AEBP2: variants seen among roughly 807,000 people sequenced by gnomAD.
AEBP2 encodes zinc finger protein AEBP2.
AEBP2 carries 10 observed loss-of-function variants against 50.8 expected under a neutral mutation model. The ratio of observed to expected loss-of-function variants is 0.20; its 90% CI spans 0.12 to 0.33. AEBP2 has a LOEUF of 0.33. AEBP2 is among the 10% of genes least tolerant of loss of function. AEBP2 has a pLI of 1.00. For missense variants in AEBP2, 570 were observed against 688.0 expected, an observed-to-expected ratio of 0.83 and a Z score of 1.92; for synonymous variants, 296 against 261.3, an observed-to-expected ratio of 1.13 and a Z score of -1.28.
At chr12:19,509,663 C>T (rs1208239006) in intron 5 of AEBP2, among the ~76,000 whole-genome samples, 15 of 152,156 alleles carry the variant, frequency 9.9e-5, no homozygotes, top group Admixed American at 9.2e-4. Flanking sequence ...GGGAAGAATA[C>T]TCAAGGCTAG....
At chr12:19,468,089 TA>T (rs1374327203) in intron 2 of AEBP2, among the ~76,000 whole-genome samples, 2 of 149,998 alleles carry the variant, frequency 1.3e-5, no homozygotes, top group East Asian at 3.9e-4. Flanking sequence ...GGCTTGGTGG[TA>T]CCGTGGAATC....
chr12:19,453,911 C>A (rs541160801), intron 1 of AEBP2, among the ~76,000 whole-genome samples: 2 of 152,036 alleles, frequency 1.3e-5, no homozygotes, highest in South Asian at 2.1e-4. Context: ...ATTCTCCCCC[C>A]CTCGGCCTCC....
chr12:19,481,520 G>A (rs1158482368), intron 3 of AEBP2, among the ~76,000 whole-genome samples: 2 of 150,562 alleles, frequency 1.3e-5, no homozygotes, highest in African/African-American at 4.9e-5. Context: ...CACCCAGGCT[G>A]GAGCGCAGTG....
chr12:19,454,591 T>G (rs1177081507), intron 1 of AEBP2, among the ~76,000 whole-genome samples: 1 of 152,176 alleles, frequency 6.6e-6, no homozygotes, highest in African/African-American at 2.4e-5. Flanking sequence ...TAGATTTTAG[T>G]TTTTTTGAAT....
intron 1 of AEBP2, among the ~76,000 whole-genome samples, chr12:19,447,019 G>A (rs752134767): frequency 6.5e-4 from 99 of 152,176 alleles, no homozygotes; most frequent in Non-Finnish European, 1.3e-3. Context: ...ACAGATTTTA[G>A]GCTTGCGTAA....
intron 1 of AEBP2, among the ~76,000 whole-genome samples, chr12:19,446,596 G>T (rs1295600373): frequency 6.6e-6 from 1 of 152,132 alleles, no homozygotes; most frequent in Non-Finnish European, 1.5e-5. Flanking sequence ...GCTGGGCGTG[G>T]TGGCGGGCAC....
intron 4 of AEBP2, among the ~76,000 whole-genome samples, chr12:19,494,615 A>G (rs1948943421): frequency 6.7e-6 from 1 of 149,912 alleles, no homozygotes; most frequent in Admixed American, 6.8e-5. Context: ...TCCCGACCTC[A>G]GGTGATTGCC....
intron 1 of AEBP2, among the ~76,000 whole-genome samples, chr12:19,461,289 G>T (rs1235077460): frequency 6.6e-6 from 1 of 152,014 alleles, no homozygotes; most frequent in Non-Finnish European, 1.5e-5. Context: ...TTTATTTATT[G>T]AGAAGATTTT....
intron 1 of AEBP2, among the ~76,000 whole-genome samples, chr12:19,419,364 C>T (rs569919840): frequency 3.9e-5 from 6 of 152,168 alleles, no homozygotes; most frequent in Middle Eastern, 3.4e-3. Flanking sequence ...CCCAAGCTGG[C>T]GGATCACGAG....
intron 4 of AEBP2, 129 bp downstream of exon 4, chr12:19,494,115 T>G: frequency 9.9e-7 from 1 of 1,011,886 alleles, no homozygotes; most frequent in Non-Finnish European, 1.4e-6. Context: ...GATGCCTGTC[T>G]GTCAGTGAGA....
chr12:19,463,998 A>G (rs1487877983), intron 2 of AEBP2, among the ~76,000 whole-genome samples: 1 of 152,182 alleles, frequency 6.6e-6, no homozygotes, highest in Non-Finnish European at 1.5e-5. Context: ...CATCCCTGTC[A>G]CAATATATTA....
Position 19,518,509 on chromosome 12 carries a change from T to A in AEBP2, c.*392T>A. The A allele has an allele frequency of 4.8e-6, 6 of 1,258,044 alleles. No individual in the cohort carries two copies. Among genetic ancestry groups the A allele is most frequent in the Non-Finnish European group, 6.0e-6 (6 of 997,674 alleles). 77.9% of individuals were successfully genotyped at this position (1,258,044 alleles called of 1,614,324 possible). A position where few individuals can be genotyped will look rare whatever the true frequency, so the allele number is the denominator to read the frequency against. On this transcript the variant is annotated 3_prime_UTR_variant, in exon 8 of 8. Transcript: ENST00000266508. ...TGGAAAGAAAAACAATTACAACATG[T>A]GCCCTTACAAATACCAAAAGCACTG...
At chr12:19,437,319 A>G (rs150296199), upstream of AEBP2, among the ~76,000 whole-genome samples, 1,818 of 152,324 alleles carry the variant, frequency 0.012, 42 homozygotes, top group African/African-American at 0.041. Flanking sequence ...CCTGTGTCAC[A>G]TAAGACTTCC....
At chr12:19,469,775 T>C (rs2153371628) in intron 2 of AEBP2, among the ~76,000 whole-genome samples, 1 of 152,332 alleles carries the variant, frequency 6.6e-6, no homozygotes, top group Non-Finnish European at 1.5e-5. Context: ...TTATGTCTGA[T>C]ACAACCTAAT....
At chr12:19,426,820 G>C (rs536225113) in intron 1 of AEBP2, among the ~76,000 whole-genome samples, 7 of 152,014 alleles carry the variant, frequency 4.6e-5, no homozygotes, top group African/African-American at 1.7e-4. Flanking sequence ...AGAATCGCTT[G>C]AACCCAAGAA....
Position 19,439,681 on chromosome 12 carries a change from AG to A in AEBP2, c.-17del. ...GGCGGCGGTGGGGAGGAGGAGGAGG[AG>A]GAGGAGCAGGCGCCGCCATGGCCGC... On this transcript the variant is annotated 5_prime_UTR_variant, in exon 1 of 8. Transcript: ENST00000266508. 2 of 1,512,446 alleles carry A rather than the reference AG, an allele frequency of 1.3e-6. No homozygotes were observed. Among genetic ancestry groups the A allele is most frequent in the Non-Finnish European group, 1.8e-6 (2 of 1,137,336 alleles). 93.7% of individuals were successfully genotyped at this position (1,512,446 alleles called of 1,614,324 possible). A position where few individuals can be genotyped will look rare whatever the true frequency, so the allele number is the denominator to read the frequency against.
At chr12:19,443,987 G>A (rs916571445) in intron 1 of AEBP2, among the ~76,000 whole-genome samples, 1 of 151,924 alleles carries the variant, frequency 6.6e-6, no homozygotes, top group Non-Finnish European at 1.5e-5. Flanking sequence ...AAGATAGTAG[G>A]GAGAAGTATT....
intron 2 of AEBP2, among the ~76,000 whole-genome samples, chr12:19,464,667 A>G (rs533369533): frequency 7.9e-5 from 12 of 151,418 alleles, no homozygotes; most frequent in Middle Eastern, 3.4e-3. Context: ...GCTCACTGCA[A>G]CCTCTGCCTC....
At chr12:19,495,243 C>A (rs907426293) in intron 4 of AEBP2, among the ~76,000 whole-genome samples, 9 of 152,068 alleles carry the variant, frequency 5.9e-5, no homozygotes, top group Non-Finnish European at 8.8e-5. Flanking sequence ...TGAAGAAATA[C>A]CAATGGGTGA....
Sources: gnomAD v4.1 joint callset for allele counts (sites outside exome capture counted in the v4.1 genomes callset) on GRCh38, gnomAD v4.1.1 for gene constraint, MANE v1.5 for transcripts, NCBI Gene and HGNC (gene_info 2026-07-23, HGNC 2026-07-21) for gene names.